Variants in SLC66A1 observed in about 807,000 individuals in gnomAD.
SLC66A1 encodes solute carrier family 66 member 1.
In SLC66A1, 23 loss-of-function variants were observed where a neutral mutation model predicts 33.0. That is an observed-to-expected ratio of 0.70 (90% CI 0.50 to 0.99). The LOEUF is 0.99. SLC66A1 is among the 50% of genes least tolerant of loss of function. SLC66A1 has a pLI of 0.00. For missense variants in SLC66A1, 335 were observed against 383.6 expected (o/e 0.87, Z 1.06); for synonymous variants, 164 against 175.5 (o/e 0.93, Z 0.52).
chr1:19,314,400 G>A (rs746510883), intron 1 of SLC66A1, among the ~76,000 whole-genome samples: 1 of 152,108 alleles, frequency 6.6e-6, no homozygotes, highest in Non-Finnish European at 1.5e-5. Context: ...GGCCGCAGGG[G>A]CCATAAACCA....
chr1:19,332,707 T>G (rs370060602), downstream of SLC66A1, among the ~76,000 whole-genome samples: 38 of 152,352 alleles, frequency 2.5e-4, no homozygotes, highest in African/African-American at 8.4e-4. Flanking sequence ...GTTACCAAGT[T>G]AAACGCCTCC....
chr1:19,333,320 A>G (rs1302799804), downstream of SLC66A1, among the ~76,000 whole-genome samples: 1 of 152,014 alleles, frequency 6.6e-6, no homozygotes, highest in Non-Finnish European at 1.5e-5. This position sits in a 1 kb window ranked among gnomAD's most constrained non-coding sequence, Gnocchi z 4.2. Context: ...TGATCCTCCC[A>G]CTTGAGTGCC....
chr1:19,327,641 A>T (rs1481730350), intron 7 of SLC66A1: 1 of 709,528 alleles, frequency 1.4e-6, no homozygotes, highest in East Asian at 2.8e-5. Flanking sequence ...AACAGCCATG[A>T]GTGCCCCAGA....
chr1:19,318,531 C>A (rs59652784), intron 2 of SLC66A1, among the ~76,000 whole-genome samples: 1 of 152,058 alleles, frequency 6.6e-6, no homozygotes, highest in South Asian at 2.1e-4. Flanking sequence ...CACTCAGGGC[C>A]TTCACACAAT....
At position 19,317,702 on chromosome 1, in the gene SLC66A1, C is replaced by T. The variant is rs1015279289; in HGVS notation, c.25C>T (p.Arg9Cys). Reference sequence around the variant, plus strand: ...CATGGTCTGGAAGAAACTGGGCTCCCGCAACTTCTCCAGCTGCCCCAGTGG... The same window carrying T: ...CATGGTCTGGAAGAAACTGGGCTCCTGCAACTTCTCCAGCTGCCCCAGTGG... MVWKKLGS[R>C]NFSSCPSGSI... The change falls in exon 2 of 8, where the codon CGC (arginine) becomes TGC (cysteine). Residue 9 changes from arginine to cysteine, a missense_variant. Coordinates refer to ENST00000375153, the MANE Select transcript of SLC66A1 (RefSeq NM_001040125.2). 31 of 1,614,102 alleles carry T rather than the reference C, an allele frequency of 1.9e-5. No individual in the cohort carries two copies. Among genetic ancestry groups the T allele is most frequent in the African/African-American group, 1.2e-4 (9 of 75,046 alleles).
Position 19,317,640 on chromosome 1 carries a change from T to A in SLC66A1, c.-38T>A. The A allele has an allele frequency of 6.2e-7, 1 of 1,609,100 alleles. No homozygotes were observed. Among genetic ancestry groups the A allele is most frequent in the Non-Finnish European group, 8.5e-7 (1 of 1,177,206 alleles). ...CAGAACACCAGCGCCCTCCCTCCGG[T>A]GCAGCCCTGCCTGGCCGGGGGCCCC... is the stretch of plus-strand genomic sequence containing the variant. On this transcript the variant is annotated 5_prime_UTR_variant, in exon 2 of 8. Coordinates refer to ENST00000375153, the MANE Select transcript of SLC66A1 (RefSeq NM_001040125.2).
At chr1:19,320,146 C>T (rs539709843) in intron 2 of SLC66A1, among the ~76,000 whole-genome samples, 4 of 151,782 alleles carry the variant, frequency 2.6e-5, no homozygotes, top group Non-Finnish European at 4.4e-5. Context: ...AGTGATCCTC[C>T]TCCCTCAGCA....
chr1:19,328,561 G>T lies in SLC66A1; in HGVS notation c.805-11G>T. On this transcript the variant is annotated splice_polypyrimidine_tract_variant and intron_variant, in intron 7 of 7. Coordinates refer to ENST00000375153, the MANE Select transcript of SLC66A1 (RefSeq NM_001040125.2). This position sits in a 1 kb window ranked among gnomAD's most constrained non-coding sequence, Gnocchi z 4.7. ...CTCTGCTCAGCTTGGCCTTAACGGC[G>T]GCACCCCCAGATCTCCATCCAGTTC... The T allele has an allele frequency of 1.2e-6, 2 of 1,612,058 alleles. No homozygotes were observed. The highest frequency in any genetic ancestry group is 8.5e-7 in the Non-Finnish European group (1 of 1,179,394).
chr1:19,325,481 T>A lies in SLC66A1; in HGVS notation c.295-14T>A. The stretch of plus-strand genomic sequence containing the variant: ...GGACTGCGCCAACCCCTGGGCCCCC[T>A]GCATCTCTTACAGACCTACACGGCT... On this transcript the variant is annotated splice_polypyrimidine_tract_variant and intron_variant, in intron 3 of 7. Transcript: ENST00000375153. 2 of 1,581,038 alleles carry A rather than the reference T, an allele frequency of 1.3e-6. No individual in the cohort carries two copies. Among genetic ancestry groups the A allele is most frequent in the South Asian group, 1.1e-5 (1 of 90,318 alleles).
In SLC66A1 at chr1:19,326,515, C is replaced by G; in HGVS notation, c.526-16C>G. The G allele has an allele frequency of 6.2e-7, 1 of 1,614,178 alleles. No homozygotes were observed. The highest frequency in any genetic ancestry group is 8.5e-7 in the Non-Finnish European group (1 of 1,180,006). ...TGGCTCCTACGAGACACCAAGTGCC[C>G]CCTTCTGCCCCACAGCCCTTCACCC... On this transcript the variant is annotated splice_polypyrimidine_tract_variant and intron_variant, in intron 5 of 7. Coordinates refer to ENST00000375153, the MANE Select transcript of SLC66A1 (RefSeq NM_001040125.2).
chr1:19,313,290 T>C (rs2093787119), intron 1 of SLC66A1: 2 of 965,720 alleles, frequency 2.1e-6, no homozygotes, highest in Non-Finnish European at 2.5e-6. Flanking sequence ...CCTTTCTCCT[T>C]TCCTTCCTCT....
downstream of SLC66A1, among the ~76,000 whole-genome samples, chr1:19,334,013 G>A (rs1289832467): frequency 1.3e-5 from 2 of 152,222 alleles, no homozygotes; most frequent in Admixed American, 1.3e-4. Flanking sequence ...GATTAACTCA[G>A]TTCAACTGAT....
chr1:19,328,676 C>T lies in SLC66A1; in HGVS notation c.*33C>T. On this transcript the variant is annotated 3_prime_UTR_variant, in exon 8 of 8. Coordinates refer to ENST00000375153, the MANE Select transcript of SLC66A1 (RefSeq NM_001040125.2). The surrounding 1 kb of genome is among the most constrained non-coding windows in gnomAD (Gnocchi z 4.7). ...CAGGCTGAGCGCAGGAGGACAGGCA[C>T]CACCGGATGCCACACCAGGCAGGAG... 6.2e-7 allele frequency: 1 copy of T among 1,600,228 alleles called. No homozygotes were observed. The highest frequency in any genetic ancestry group is 8.6e-7 in the Non-Finnish European group (1 of 1,169,378).
downstream of SLC66A1, among the ~76,000 whole-genome samples, chr1:19,334,050 G>C (rs1427194103): frequency 1.3e-5 from 2 of 152,228 alleles, no homozygotes; most frequent in Non-Finnish European, 2.9e-5. Context: ...CCCCAGCCTG[G>C]GACAGCCCTG....
At chr1:19,323,883 C>G (rs931291018) in intron 2 of SLC66A1, among the ~76,000 whole-genome samples, 1 of 152,178 alleles carries the variant, frequency 6.6e-6, no homozygotes, top group Non-Finnish European at 1.5e-5. Context: ...AGGAGGTCAT[C>G]GTGGTAGACT....
chr1:19,321,302 A>C lies in SLC66A1; in HGVS notation c.165-3331A>C, dbSNP rs184165228. Among the ~76,000 whole-genome samples the C allele has an allele frequency of 4.2e-5, 6 of 144,086 alleles. No homozygotes were observed. The Admixed American group carries it at 4.2e-4, about 10-fold the overall frequency. 94.5% of individuals were successfully genotyped at this position (144,086 alleles called of 152,430 possible). On this transcript the variant is annotated intron_variant, in intron 2 of 7. Coordinates refer to ENST00000375153, the MANE Select transcript of SLC66A1 (RefSeq NM_001040125.2). ...GCAGTCCTCCCACCTCAGCCTCTTG[A>C]GTAACTGGGACCACAGACGTGCACC...
At chr1:19,325,631 GCAGTTGT>G in intron 4 of SLC66A1, 49 bp downstream of exon 4, 1 of 1,063,690 alleles carries the variant, frequency 9.4e-7, no homozygotes, top group Non-Finnish European at 1.4e-6. Context: ...GCAGCAGGGG[GCAGTTGT>G]GGGGGGGGGC....
Position 19,317,631 on chromosome 1 carries a change from TC to T in SLC66A1, c.-44del, listed in dbSNP as rs1309773170. On this transcript the variant is annotated 5_prime_UTR_variant, in exon 2 of 8. Transcript: ENST00000375153. ...TGCTGGCCTCAGAACACCAGCGCCC[TC>T]CCTCCGGTGCAGCCCTGCCTGGCCG... 2 of 1,601,814 alleles carry T rather than the reference TC, an allele frequency of 1.2e-6. No individual in the cohort carries two copies. Among genetic ancestry groups the T allele is most frequent in the African/African-American group, 2.7e-5 (2 of 74,626 alleles).
intron 1 of SLC66A1, among the ~76,000 whole-genome samples, chr1:19,316,484 T>A (rs1420685006): frequency 6.6e-6 from 1 of 151,848 alleles, no homozygotes; most frequent in African/African-American, 2.4e-5. Context: ...CTTCCTGGGC[T>A]CAAGCGATTC....
Sources: gnomAD v4.1 joint callset for allele counts (sites outside exome capture counted in the v4.1 genomes callset) on GRCh38, gnomAD v4.1.1 for gene constraint, Gnocchi (gnomAD v3.1) non-coding constraint, MANE v1.5 for transcripts, NCBI Gene and HGNC (gene_info 2026-07-23, HGNC 2026-07-21) for gene names.